The following WLS variants were observed in gnomAD, a reference collection of about 807,000 sequenced individuals.
WLS encodes the protein Wnt ligand secretion mediator.
WLS carries 23 observed loss-of-function variants against 62.8 expected under a neutral mutation model. The observed-to-expected ratio is 0.37, with a 90% CI of 0.26 to 0.52. The LOEUF (loss-of-function observed/expected upper bound fraction) is 0.52. WLS is among the 20% of genes least tolerant of loss of function. The probability of loss-of-function intolerance (pLI) is 0.92; values close to 1 mark genes in which losing one functional copy is unlikely to be tolerated. For synonymous variants in WLS, 246 were observed against 244.1 expected (o/e 1.01, Z -0.07); for missense variants, 615 against 697.3 (o/e 0.88, Z 1.33).
intron 11 of WLS, among the ~76,000 whole-genome samples, chr1:68,098,992 T>C (rs963057290): frequency 1.3e-5 from 2 of 152,126 alleles, no homozygotes; most frequent in African/African-American, 4.8e-5. Context: ...AATCAGTTCC[T>C]CCACATTCAA....
chr1:68,222,728 C>T (rs1157646231), intron 1 of WLS, among the ~76,000 whole-genome samples: 1 of 152,094 alleles, frequency 6.6e-6, no homozygotes, highest in South Asian at 2.1e-4. Flanking sequence ...CCCTTTCATC[C>T]TTACGATTTA....
At chr1:68,201,591 A>G (rs1266872704) in intron 1 of WLS, among the ~76,000 whole-genome samples, 1 of 152,250 alleles carries the variant, frequency 6.6e-6, no homozygotes, top group African/African-American at 2.4e-5. Context: ...GATTTTTACA[A>G]TTATCAAAGC....
At chr1:68,100,642 C>G (rs1372882519) in intron 11 of WLS, 1 of 152,124 alleles carries the variant, frequency 6.6e-6, no homozygotes, top group East Asian at 1.9e-4. Flanking sequence ...AGACTGCACA[C>G]AAAGTTACTT....
chr1:68,175,268 G>A (rs966766384), intron 2 of WLS, among the ~76,000 whole-genome samples: 1 of 152,190 alleles, frequency 6.6e-6, no homozygotes, highest in Non-Finnish European at 1.5e-5. Flanking sequence ...CACCCATGCA[G>A]ATGCCAGCCA....
At chr1:68,198,918 C>G (rs558350779) in intron 1 of WLS, among the ~76,000 whole-genome samples, 25 of 152,256 alleles carry the variant, frequency 1.6e-4, no homozygotes, top group Admixed American at 7.2e-4. Flanking sequence ...TTCATTGACT[C>G]CAGTCAGCTT....
At position 68,126,156 on chromosome 1, in the gene WLS, G is replaced by C; in HGVS notation, c.*70C>G. The stretch of plus-strand genomic sequence containing the variant: ...TTCATTTGTACATTGAGCTCTCTCT[G>C]GCATGCTCCCCACTCTAGTTAGAGG... On this transcript the variant is annotated 3_prime_UTR_variant, in exon 12 of 12. Coordinates refer to ENST00000262348, the MANE Select transcript of WLS (RefSeq NM_024911.7). The C allele has an allele frequency of 6.3e-7, 1 of 1,588,038 alleles. No homozygotes were observed. Among genetic ancestry groups the C allele is most frequent in the African/African-American group, 1.3e-5 (1 of 74,352 alleles).
intron 8 of WLS, among the ~76,000 whole-genome samples, chr1:68,147,753 C>A (rs908218792): frequency 3.3e-5 from 5 of 152,186 alleles, no homozygotes; most frequent in African/African-American, 1.2e-4. Flanking sequence ...AAGTCTCACA[C>A]ATAGGTGGTT....
chr1:68,122,886 A>G (rs1015751139), downstream of WLS, among the ~76,000 whole-genome samples: 3 of 152,142 alleles, frequency 2.0e-5, no homozygotes, highest in Non-Finnish European at 2.9e-5. Context: ...TCTCCTCTGG[A>G]CCTCAAGTTT....
At chr1:68,166,847 G>A (rs1035126240) in intron 2 of WLS, among the ~76,000 whole-genome samples, 5 of 152,150 alleles carry the variant, frequency 3.3e-5, no homozygotes, top group African/African-American at 4.8e-5. Flanking sequence ...AGGTGAAGAC[G>A]CCATAACTCA....
At chr1:68,192,940 CA>C (rs112624515) in intron 2 of WLS, among the ~76,000 whole-genome samples, 15,342 of 126,560 alleles carry the variant, frequency 0.12, 1,100 homozygotes, top group African/African-American at 0.23. Context: ...ACTAAAAATA[CA>C]AAAAAAAAAA....
intron 10 of WLS, among the ~76,000 whole-genome samples, chr1:68,139,249 T>C (rs1360910449): frequency 1.3e-5 from 2 of 152,188 alleles, no homozygotes; most frequent in African/African-American, 4.8e-5. Flanking sequence ...AAAGATGGAT[T>C]TCATAACCAT....
At chr1:68,214,568 G>A (rs1440288248) in intron 1 of WLS, among the ~76,000 whole-genome samples, 2 of 152,112 alleles carry the variant, frequency 1.3e-5, no homozygotes, top group African/African-American at 2.4e-5. Flanking sequence ...GTTTCACCAT[G>A]TTAGCCAGGC....
At chr1:68,210,107 A>G (rs145062649) in intron 1 of WLS, among the ~76,000 whole-genome samples, 51 of 152,316 alleles carry the variant, frequency 3.3e-4, no homozygotes, top group African/African-American at 1.2e-3. Context: ...TCTTTGTTCT[A>G]GGGACATCAA....
chr1:68,196,155 ATAAT>A (rs1648648420), intron 1 of WLS, among the ~76,000 whole-genome samples: 1 of 151,228 alleles, frequency 6.6e-6, no homozygotes, highest in East Asian at 1.9e-4. Flanking sequence ...AAATTTATAA[ATAAT>A]AAATATATAA....
intron 11 of WLS, among the ~76,000 whole-genome samples, chr1:68,114,093 T>C (rs1376844423): frequency 6.6e-6 from 1 of 152,214 alleles, no homozygotes; most frequent in Non-Finnish European, 1.5e-5. Context: ...GATTCAACTT[T>C]CTTGGCTTCA....
chr1:68,144,380 G>A (rs140940567), intron 10 of WLS, among the ~76,000 whole-genome samples, 189 bp downstream of exon 10: 34 of 152,254 alleles, frequency 2.2e-4, no homozygotes, highest in African/African-American at 7.2e-4. Flanking sequence ...CTCCTACAAG[G>A]TTTTACGGAA....
intron 11 of WLS, among the ~76,000 whole-genome samples, chr1:68,116,811 C>T (rs570808861): frequency 5.3e-5 from 8 of 152,256 alleles, no homozygotes; most frequent in African/African-American, 1.7e-4. Flanking sequence ...AACTCTTTTG[C>T]AATGCAGCCA....
chr1:68,122,942 A>G (rs1646381569), downstream of WLS, among the ~76,000 whole-genome samples: 1 of 152,184 alleles, frequency 6.6e-6, no homozygotes, highest in African/African-American at 2.4e-5. Flanking sequence ...TCAGGATGAA[A>G]GTGTCTTTTC....
intron 2 of WLS, among the ~76,000 whole-genome samples, chr1:68,175,561 G>A (rs529460602): frequency 1.3e-5 from 2 of 152,278 alleles, no homozygotes; most frequent in African/African-American, 4.8e-5. Context: ...ATCCTTTCTA[G>A]TTCTAATATT....
Sources: allele counts gnomAD v4.1 joint callset (sites outside exome capture counted in the v4.1 genomes callset), GRCh38; gene constraint gnomAD v4.1.1; transcripts MANE v1.5; gene names NCBI Gene and HGNC (gene_info 2026-07-23, HGNC 2026-07-21).